The following COL18A1 variants were observed in gnomAD, a reference collection of about 807,000 sequenced individuals.
The protein encoded by COL18A1 is collagen alpha-1(XVIII) chain.
COL18A1 carries 133 observed loss-of-function variants against 168.0 expected under a neutral mutation model. The ratio of observed to expected loss-of-function variants is 0.79; its 90% CI spans 0.69 to 0.91. COL18A1 has a LOEUF of 0.91. Among genes scored for constraint, COL18A1 ranks in the 40% least tolerant of loss-of-function variants. The pLI is 0.00. For synonymous variants in COL18A1, 949 were observed against 809.0 expected, an observed-to-expected ratio of 1.17 and a Z score of -2.94; for missense variants, 2,126 against 1,925.4, an observed-to-expected ratio of 1.10 and a Z score of -1.95.
At chr21:45,485,727 G>A (rs1020432491) in intron 15 of COL18A1, among the ~76,000 whole-genome samples, 3 of 152,176 alleles carry the variant, frequency 2.0e-5, no homozygotes, top group African/African-American at 4.8e-5. Flanking sequence ...TCACCTTGGC[G>A]GGTGGAGGGC....
intron 22 of COL18A1, 152 bp downstream of exon 22, chr21:45,491,466 C>CGCCCTCGGTCAG (rs1568923323): frequency 3.6e-5 from 23 of 631,924 alleles, no homozygotes; most frequent in Non-Finnish European, 5.9e-5. Flanking sequence ...GTGGGGGCTG[C>CGCCCTCGGTCAG]AGACGCCCTC....
Position 45,504,561 on chromosome 21 carries a change from G to A in COL18A1, c.2868+5G>A. On this transcript the variant is annotated splice_donor_5th_base_variant and intron_variant, in intron 34 of 41. Transcript: ENST00000651438. ...CGTGGCTACCCTGGGATTCCAGTAA[G>A]TCCCAGCCTGTGCAGGCAGAGCCCA... The A allele has an allele frequency of 6.4e-7, 1 of 1,565,278 alleles. No individual in the cohort carries two copies. The highest frequency in any genetic ancestry group is 8.6e-7 in the Non-Finnish European group (1 of 1,156,510).
Position 45,504,611 on chromosome 21 carries a change from G to A in COL18A1, c.2868+55G>A, listed in dbSNP as rs2037073702. The A allele has an allele frequency of 8.0e-6, 12 of 1,500,204 alleles. No individual in the cohort carries two copies. In the East Asian group the frequency reaches 3.0e-4, roughly 37 times the overall value. 92.9% of individuals were successfully genotyped at this position (1,500,204 alleles called of 1,614,324 possible). A position where few individuals can be genotyped will look rare whatever the true frequency, so the allele number is the denominator to read the frequency against. ...ATGTCCCAGGGGTCTGGGTGCAGGA[G>A]CCGAGGGCAGGTCCAGCCCGGCCTT... On this transcript the variant is annotated intron_variant, in intron 34 of 41. Coordinates refer to ENST00000651438, the MANE Select transcript of COL18A1 (RefSeq NM_001379500.1).
intron 2 of COL18A1, among the ~76,000 whole-genome samples, chr21:45,453,204 A>G (rs1352853136): frequency 6.6e-6 from 1 of 152,184 alleles, no homozygotes; most frequent in African/African-American, 2.4e-5. Flanking sequence ...TTCATGTGTG[A>G]CATGTGAGCA....
chr21:45,505,744 C>T (rs2037162490), intron 36 of COL18A1, 94 bp from the exon 37 acceptor site: 5 of 1,065,108 alleles, frequency 4.7e-6, no homozygotes, highest in Non-Finnish European at 6.9e-6. Flanking sequence ...CCCTGCGGCC[C>T]CTGCCCAGCA....
rs79422098 is a variant in COL18A1, at chr21:45,496,318, G to A, written c.2509-182G>A. 5.5e-4 allele frequency: 393 copies of A among 714,904 alleles called. 2 individuals are homozygous for A. In the African/African-American group the frequency reaches 5.5e-3, roughly 10 times the overall value. The allele number at this position is 714,904 out of a possible 1,614,324, so 44.3% of individuals were successfully genotyped here. A position where few individuals can be genotyped will look rare whatever the true frequency, so the allele number is the denominator to read the frequency against. Reference sequence around the variant, plus strand: ...CTCCAGCGTGGGATGAGGTGGGGCCGGGGCCAGTTCCTGTCCTCAGGGAGC... The same window carrying A: ...CTCCAGCGTGGGATGAGGTGGGGCCAGGGCCAGTTCCTGTCCTCAGGGAGC... On this transcript the variant is annotated intron_variant, in intron 29 of 41. Coordinates refer to ENST00000651438, the MANE Select transcript of COL18A1 (RefSeq NM_001379500.1).
In COL18A1 at chr21:45,504,538, T is replaced by G; in HGVS notation, c.2850T>G (p.Arg950=). The change falls in exon 34 of 42, where the codon CGT becomes CGG. Residue 950 remains arginine (R), a synonymous_variant. Coordinates refer to ENST00000651438, the MANE Select transcript of COL18A1 (RefSeq NM_001379500.1). ...PPGPPGPPGP[R]GYPGIPGPKG... ...GCCCCCCAGGCCCCCCAGGCCCACG[T>G]GGCTACCCTGGGATTCCAGTAAGTC... 1 of 1,578,880 alleles carries G rather than the reference T, an allele frequency of 6.3e-7. No individual in the cohort carries two copies. The highest frequency in any genetic ancestry group is 8.6e-7 in the Non-Finnish European group (1 of 1,163,410).
Position 45,510,123 on chromosome 21 carries a change from C to G in COL18A1, c.3555C>G (p.Ala1185=), listed in dbSNP as rs775221635. The G allele has an allele frequency of 6.3e-7, 1 of 1,599,366 alleles. No homozygotes were observed. The highest frequency in any genetic ancestry group is 8.5e-7 in the Non-Finnish European group (1 of 1,174,220). ...LSGGMRGIRG[A]DFQCFQQARA... Reference sequence around the variant, plus strand: ...GCGGCATGCGGGGCATCCGCGGGGCCGACTTCCAGTGCTTCCAGCAGGCGC... The same window carrying G: ...GCGGCATGCGGGGCATCCGCGGGGCGGACTTCCAGTGCTTCCAGCAGGCGC... Residue 1185 remains alanine (A), a synonymous_variant, in exon 40 of 42, where the codon GCC becomes GCG. Coordinates refer to ENST00000651438, the MANE Select transcript of COL18A1 (RefSeq NM_001379500.1).
At chr21:45,408,035 G>A (rs576342689) in intron 2 of COL18A1, 1 of 152,404 alleles carries the variant, frequency 6.6e-6, no homozygotes, top group Admixed American at 6.5e-5. Context: ...GGATTCAGAT[G>A]CAAGGACTTT....
rs200474031 is a variant in COL18A1 at position 45,453,152 on chromosome 21, CAT to C, written c.107-15089_107-15088del. 6.9e-3 allele frequency among the ~76,000 whole-genome samples: 1,042 copies of C among 150,820 alleles called. 12 individuals are homozygous for C. Among genetic ancestry groups the C allele is most frequent in the African/African-American group, 0.023 (947 of 40,862 alleles). On this transcript the variant is annotated intron_variant, in intron 2 of 41. Transcript: ENST00000651438. ...TGTGTATGCGAGTATTCACATGTGA[CAT>C]GTGTGAGCATGTATGTGTGTGTGAT... is the stretch of plus-strand genomic sequence containing the variant.
At chr21:45,427,512 G>T (rs894084507) in intron 2 of COL18A1, among the ~76,000 whole-genome samples, 1 of 152,188 alleles carries the variant, frequency 6.6e-6, no homozygotes, top group East Asian at 1.9e-4. Context: ...GCCTCCCCCA[G>T]GCAGGCCCCC....
rs190679733 is a variant in COL18A1, at chr21:45,467,208, G to A, written c.107-1034G>A. On this transcript the variant is annotated intron_variant, in intron 2 of 41. Coordinates refer to ENST00000651438, the MANE Select transcript of COL18A1 (RefSeq NM_001379500.1). The stretch of plus-strand genomic sequence containing the variant: ...GGGTGCTGCCCCCCTCCCGTGGGCA[G>A]GAAACGAGGTGTGAGAACTCTGGGC... The A allele has an allele frequency of 9.1e-6, 9 of 984,450 alleles. No homozygotes were observed. In the Admixed American group the frequency reaches 1.8e-4, roughly 20 times the overall value. The allele number at this position is 984,450 out of a possible 1,614,324, so 61.0% of individuals were successfully genotyped here. A position where few individuals can be genotyped will look rare whatever the true frequency, so the allele number is the denominator to read the frequency against.
chr21:45,479,246 C>CAG, intron 9 of COL18A1, among the ~76,000 whole-genome samples: 1 of 151,952 alleles, frequency 6.6e-6, no homozygotes. Context: ...ATATCACACA[C>CAG]CACACATTAC....
chr21:45,483,383 C>A (rs1164018358), intron 15 of COL18A1, among the ~76,000 whole-genome samples: 3 of 152,204 alleles, frequency 2.0e-5, no homozygotes, highest in East Asian at 1.9e-4. Flanking sequence ...CTCGGGGCAG[C>A]TGCTCTCCAT....
Position 45,511,107 on chromosome 21 carries a change from C to A in COL18A1, c.3694-4C>A. 2.0e-6 allele frequency: 3 copies of A among 1,527,014 alleles called. No individual in the cohort carries two copies. The highest frequency in any genetic ancestry group is 2.7e-6 in the Non-Finnish European group (3 of 1,122,658). The allele number at this position is 1,527,014 out of a possible 1,614,324, so 94.6% of individuals were successfully genotyped here. A position where few individuals can be genotyped will look rare whatever the true frequency, so the allele number is the denominator to read the frequency against. The stretch of plus-strand genomic sequence containing the variant: ...CACACACATACACACGGTTTCTCTT[C>A]CAGGACGAGCTGCTGTTTCCCAGCT... On this transcript the variant is annotated splice_region_variant and splice_polypyrimidine_tract_variant and intron_variant, in intron 40 of 41. Coordinates refer to ENST00000651438, the MANE Select transcript of COL18A1 (RefSeq NM_001379500.1).
intron 4 of COL18A1, among the ~76,000 whole-genome samples, chr21:45,475,102 C>G (rs929330433): frequency 2.6e-5 from 4 of 152,218 alleles, no homozygotes; most frequent in Non-Finnish European, 4.4e-5. Context: ...TTCGGCCCAG[C>G]CGGGCGTGCG....
chr21:45,503,681 A>C (rs866927327), intron 32 of COL18A1, among the ~76,000 whole-genome samples: 1 of 151,162 alleles, frequency 6.6e-6, no homozygotes, highest in Non-Finnish European at 1.5e-5. Context: ...GATATACCTA[A>C]TGCTAGATGA....
intron 2 of COL18A1, 25 bp downstream of exon 2, chr21:45,405,498 G>A (rs1292140186): frequency 9.3e-6 from 12 of 1,296,470 alleles, no homozygotes; most frequent in Middle Eastern, 2.9e-4. Context: ...GGACGGGAAG[G>A]TTCGCGCCGG....
At chr21:45,504,194 C>T (rs967584502) in intron 33 of COL18A1, 140 bp downstream of exon 33, 31 of 1,037,670 alleles carry the variant, frequency 3.0e-5, no homozygotes, top group Middle Eastern at 5.9e-4. Context: ...CAGAGGGTGT[C>T]GAGGGCGTCC....
Sources: allele counts gnomAD v4.1 joint callset (sites outside exome capture counted in the v4.1 genomes callset), GRCh38; gene constraint gnomAD v4.1.1; transcripts MANE v1.5; gene names NCBI Gene and HGNC (gene_info 2026-07-23, HGNC 2026-07-21).